CCDC175: variants seen among roughly 807,000 people sequenced by gnomAD.
CCDC175 encodes the protein coiled-coil domain-containing protein 175.
CCDC175 carries 100 observed loss-of-function variants against 114.6 expected under a neutral mutation model. That is an observed-to-expected ratio of 0.87 (90% CI 0.74 to 1.03). The LOEUF is 1.03. CCDC175 is among the 50% of genes least tolerant of loss of function. The pLI is 0.00. For synonymous variants in CCDC175, 306 were observed against 308.7 expected, an observed-to-expected ratio of 0.99 and a Z score of 0.09; for missense variants, 880 against 917.8, an observed-to-expected ratio of 0.96 and a Z score of 0.53.
intron 1 of CCDC175, among the ~76,000 whole-genome samples, chr14:59,575,864 A>G (rs1255822985): frequency 2.6e-5 from 4 of 152,196 alleles, no homozygotes; most frequent in Non-Finnish European, 4.4e-5. Flanking sequence ...TGTGAAATTA[A>G]CCTAGCGCAT....
chr14:59,517,214 TACTG>T (rs1294644106), intron 17 of CCDC175, among the ~76,000 whole-genome samples: 3 of 152,190 alleles, frequency 2.0e-5, no homozygotes, highest in Non-Finnish European at 4.4e-5. Context: ...GCCAATATCA[TACTG>T]AATGGGCAAA....
intron 3 of CCDC175, among the ~76,000 whole-genome samples, chr14:59,569,321 C>T (rs1001947550): frequency 3.3e-5 from 5 of 152,170 alleles, no homozygotes; most frequent in African/African-American, 1.2e-4. Flanking sequence ...ATCTGGAGAT[C>T]TTCTTAAAAT....
chr14:59,526,710 C>T (rs573239489), intron 15 of CCDC175, among the ~76,000 whole-genome samples: 9 of 152,172 alleles, frequency 5.9e-5, no homozygotes, highest in African/African-American at 2.2e-4. Context: ...CTAATTCATC[C>T]ACTCCCCCAC....
At chr14:59,562,284 A>C (rs1896266513) in intron 6 of CCDC175, among the ~76,000 whole-genome samples, 1 of 137,884 alleles carries the variant, frequency 7.3e-6, no homozygotes, top group Non-Finnish European at 1.6e-5. Flanking sequence ...CAACATATCA[A>C]TGTTACCTGG....
intron 10 of CCDC175, 81 bp from the exon 11 acceptor site, chr14:59,540,827 G>A (rs1894741184): frequency 3.5e-6 from 4 of 1,139,768 alleles, no homozygotes; most frequent in East Asian, 2.6e-5. Flanking sequence ...TAATTTGTAT[G>A]CTCAGTAAGG....
chr14:59,557,991 T>G (rs1347344209), intron 7 of CCDC175, among the ~76,000 whole-genome samples: 1 of 152,150 alleles, frequency 6.6e-6, no homozygotes, highest in Non-Finnish European at 1.5e-5. Context: ...GGATAAACCA[T>G]AAAAGGATCC....
intron 16 of CCDC175, among the ~76,000 whole-genome samples, chr14:59,523,206 C>T (rs985572833): frequency 2.0e-5 from 3 of 152,188 alleles, no homozygotes; most frequent in South Asian, 2.1e-4. Flanking sequence ...ATCAGTTTGT[C>T]TCAAGGTCTA....
chr14:59,563,544 A>C (rs1167593812), intron 6 of CCDC175, among the ~76,000 whole-genome samples, 193 bp downstream of exon 6: 1 of 152,014 alleles, frequency 6.6e-6, no homozygotes, highest in South Asian at 2.1e-4. Context: ...GGCATTCCAC[A>C]TTTCCTTCTT....
chr14:59,513,342 C>T (rs1047461054), intron 17 of CCDC175, among the ~76,000 whole-genome samples: 26 of 151,988 alleles, frequency 1.7e-4, no homozygotes, highest in East Asian at 9.7e-4. Context: ...TGCAGTGCAC[C>T]GAGTGTGAGC....
chr14:59,521,271 TC>T (rs1291670300), intron 17 of CCDC175, among the ~76,000 whole-genome samples: 1 of 152,192 alleles, frequency 6.6e-6, no homozygotes, highest in African/African-American at 2.4e-5. Flanking sequence ...AACATTGGAC[TC>T]CAAGTTCTTC....
intron 8 of CCDC175, among the ~76,000 whole-genome samples, chr14:59,549,313 C>A (rs1000820806): frequency 2.0e-5 from 3 of 152,098 alleles, no homozygotes; most frequent in Non-Finnish European, 4.4e-5. Context: ...GAGGAGTTCA[C>A]AACCAGCCGA....
At chr14:59,575,087 C>T in intron 1 of CCDC175, 59 bp from the exon 2 acceptor site, 1 of 913,044 alleles carries the variant, frequency 1.1e-6, no homozygotes. Flanking sequence ...CCTACTTAAC[C>T]TTTTATGATC....
chr14:59,518,346 C>T (rs1188233075), intron 17 of CCDC175, among the ~76,000 whole-genome samples: 1 of 152,144 alleles, frequency 6.6e-6, no homozygotes, highest in Non-Finnish European at 1.5e-5. Flanking sequence ...TAAAGAGCTT[C>T]TGCACAGCAA....
intron 3 of CCDC175, among the ~76,000 whole-genome samples, chr14:59,572,028 G>C (rs1268282360): frequency 6.6e-6 from 1 of 150,652 alleles, no homozygotes; most frequent in Non-Finnish European, 1.5e-5. Context: ...TGTTCAACTG[G>C]AAAGTATAAT....
chr14:59,525,342 T>G lies in CCDC175; in HGVS notation c.1935A>C (p.Gly645=). The G allele has an allele frequency of 6.6e-7, 1 of 1,506,312 alleles. No individual in the cohort carries two copies. The highest frequency in any genetic ancestry group is 2.5e-5 in the East Asian group (1 of 39,896). The allele number at this position is 1,506,312 out of a possible 1,614,324, so 93.3% of individuals were successfully genotyped here. ...CTGCTTTTTGGTCATTTATATAGAA[T>G]CCATTTTCTAAGTTCTTTAGAGTTT... ...HFETLKNLEN[G]FYINDQKADL... is the part of the protein sequence containing the mutation. Residue 645 remains glycine, a synonymous_variant, in exon 16 of 20, where the codon GGA becomes GGC. Transcript: ENST00000537690.
Position 59,565,177 on chromosome 14 carries a change from T to G in CCDC175, c.590A>C (p.Glu197Ala). 1 of 1,537,898 alleles carries G rather than the reference T, an allele frequency of 6.5e-7. No individual in the cohort carries two copies. Among genetic ancestry groups the G allele is most frequent in the Non-Finnish European group, 8.7e-7 (1 of 1,147,054 alleles). The change falls in exon 5 of 20, where the codon GAG becomes GCG. Residue 197 changes from glutamate (E) to alanine (A), a missense_variant. By Grantham distance (107) the Glu-to-Ala change is moderately radical (BLOSUM62 -1). Transcript: ENST00000537690. Reference sequence around the variant, plus strand: ...CTTCAAGTTTATTTTGGTATAAGTCTCATTTATGTAAACAGTGGTGGTGGC... The same window carrying G: ...CTTCAAGTTTATTTTGGTATAAGTCGCATTTATGTAAACAGTGGTGGTGGC... The part of the protein sequence containing the change: ...KKATTTVYIN[E>A]TYTKINLKRE...
chr14:59,542,331 C>T (rs1894838654), intron 10 of CCDC175, among the ~76,000 whole-genome samples: 1 of 152,144 alleles, frequency 6.6e-6, no homozygotes, highest in African/African-American at 2.4e-5. Flanking sequence ...TGCTTCTCTG[C>T]CCAACTGAAC....
intron 17 of CCDC175, among the ~76,000 whole-genome samples, chr14:59,519,977 G>A (rs966999501): frequency 6.6e-6 from 1 of 152,230 alleles, no homozygotes; most frequent in Non-Finnish European, 1.5e-5. Context: ...ACACAGGAAT[G>A]AGTGAGTCTT....
chr14:59,568,959 AT>A (rs1896706712), intron 3 of CCDC175, among the ~76,000 whole-genome samples: 1 of 152,178 alleles, frequency 6.6e-6, no homozygotes, highest in Non-Finnish European at 1.5e-5. Context: ...TCCTCTTTGG[AT>A]TATACTCCCT....
Sources: gnomAD v4.1 joint callset for allele counts (sites outside exome capture counted in the v4.1 genomes callset) on GRCh38, gnomAD v4.1.1 for gene constraint, MANE v1.5 for transcripts, NCBI Gene and HGNC (gene_info 2026-07-23, HGNC 2026-07-21) for gene names.